Variants in PIK3C2G observed in about 807,000 individuals in gnomAD.
PIK3C2G encodes the protein phosphatidylinositol 3-kinase C2 domain-containing subunit gamma.
PIK3C2G carries 168 observed loss-of-function variants against 181.1 expected under a neutral mutation model. That is an observed-to-expected ratio of 0.93 (90% CI 0.82 to 1.05). The LOEUF (loss-of-function observed/expected upper bound fraction) is 1.05, where lower values mean the gene tolerates loss of function less well. Ranked by LOEUF, PIK3C2G falls within the 50% of genes least tolerant of loss-of-function variation. PIK3C2G has a pLI of 0.00. For missense variants in PIK3C2G, 1,869 were observed against 1,732.8 expected (o/e 1.08, Z -1.40); for synonymous variants, 573 against 592.2 (o/e 0.97, Z 0.47).
chr12:18,624,005 C>G (rs114253719), intron 31 of PIK3C2G, among the ~76,000 whole-genome samples: 1,770 of 151,728 alleles, frequency 0.012, 38 homozygotes, highest in African/African-American at 0.041. Context: ...TTCTTCTTTT[C>G]CAGTTTTGAT....
chr12:18,361,941 T>C (rs955584307), intron 11 of PIK3C2G, among the ~76,000 whole-genome samples: 2 of 152,034 alleles, frequency 1.3e-5, no homozygotes, highest in Non-Finnish European at 2.9e-5. Flanking sequence ...CACTGTACCA[T>C]AGGACCTCTG....
chr12:18,437,103 G>A lies in PIK3C2G; in HGVS notation c.2504+13064G>A, dbSNP rs548260394. Among the ~76,000 whole-genome samples, 17 of 151,954 alleles carry A rather than the reference G, an allele frequency of 1.1e-4. No homozygotes were observed. In the East Asian group the frequency reaches 2.3e-3, roughly 21 times the overall value. Reference sequence around the variant, plus strand: ...CTATTTTGTTTCCCAGGGCTGTGAAGACTCAGAGTTCTCTGTATTTTGTAT... The same window carrying A: ...CTATTTTGTTTCCCAGGGCTGTGAAAACTCAGAGTTCTCTGTATTTTGTAT... On this transcript the variant is annotated intron_variant, in intron 18 of 32. Coordinates refer to ENST00000538779, the MANE Select transcript of PIK3C2G (RefSeq NM_001288772.2).
At chr12:18,408,856 T>C (rs1944693920) in intron 16 of PIK3C2G, among the ~76,000 whole-genome samples, 1 of 152,104 alleles carries the variant, frequency 6.6e-6, no homozygotes, top group South Asian at 2.1e-4. Flanking sequence ...AGATACCATC[T>C]CAGGACAGTT....
At chr12:18,656,266 C>CA in the PIK3C2G span, among the ~76,000 whole-genome samples, 5 of 152,026 alleles carry the variant, frequency 3.3e-5, no homozygotes, top group Non-Finnish European at 7.4e-5. Context: ...CTGTCTATAC[C>CA]AAAAAAGCAT....
chr12:18,338,375 T>C (rs1156748518), intron 8 of PIK3C2G, 51 bp from the exon 9 acceptor site: 19 of 1,336,714 alleles, frequency 1.4e-5, no homozygotes, highest in Non-Finnish European at 2.0e-5. Flanking sequence ...TAAATTAATG[T>C]CCCCTCATTT....
At chr12:18,381,695 C>A in intron 13 of PIK3C2G, 71 bp from the exon 14 acceptor site, 2 of 901,914 alleles carry the variant, frequency 2.2e-6, no homozygotes, top group South Asian at 1.4e-5. Flanking sequence ...CAAAAGAAAA[C>A]ATTTACAGAT....
At chr12:18,693,350 C>A in the PIK3C2G span, 287 of 1,592,128 alleles carry the variant, frequency 1.8e-4, 1 homozygote, top group South Asian at 3.0e-3. Flanking sequence ...GGGGGTTGGA[C>A]AACCAAATTC....
chr12:18,282,050 G>A lies in PIK3C2G; in HGVS notation c.-32G>A. On this transcript the variant is annotated 5_prime_UTR_variant, in exon 2 of 33. Transcript: ENST00000538779. ...TATTATCAAGGAGATATTTGGAGCA[G>A]AGTCAACCCTCTCAGTTACATAAAA... The A allele has an allele frequency of 7.7e-7, 1 of 1,294,760 alleles. No individual in the cohort carries two copies. Among genetic ancestry groups the A allele is most frequent in the African/African-American group, 1.5e-5 (1 of 68,076 alleles). 80.2% of individuals were successfully genotyped at this position (1,294,760 alleles called of 1,614,324 possible). A position where few individuals can be genotyped will look rare whatever the true frequency, so the allele number is the denominator to read the frequency against.
chr12:18,434,361 T>C (rs1360757386), intron 18 of PIK3C2G, among the ~76,000 whole-genome samples: 1 of 152,116 alleles, frequency 6.6e-6, no homozygotes, highest in African/African-American at 2.4e-5. Context: ...ATTGAAACCA[T>C]TACATCCCCT....
chr12:18,349,002 C>T (rs1189841315), intron 11 of PIK3C2G, among the ~76,000 whole-genome samples: 1 of 152,118 alleles, frequency 6.6e-6, no homozygotes, highest in African/African-American at 2.4e-5. Context: ...GTGTGGGAGC[C>T]TCAATTCCTT....
At chr12:18,631,537 G>T (rs991150016) in intron 31 of PIK3C2G, among the ~76,000 whole-genome samples, 1 of 152,136 alleles carries the variant, frequency 6.6e-6, no homozygotes, top group African/African-American at 2.4e-5. Context: ...GGAAAGTGAC[G>T]TAATCAAAGC....
chr12:18,479,440 T>C (rs1441252430), intron 18 of PIK3C2G, among the ~76,000 whole-genome samples: 1 of 152,080 alleles, frequency 6.6e-6, no homozygotes, highest in Non-Finnish European at 1.5e-5. Context: ...GTGGATGACT[T>C]TGGGCAATTT....
intron 24 of PIK3C2G, among the ~76,000 whole-genome samples, chr12:18,525,929 A>C (rs1006621831): frequency 6.6e-6 from 1 of 152,186 alleles, no homozygotes; most frequent in Admixed American, 6.5e-5. Context: ...ACACTCTATA[A>C]GTTTTATCCC....
At chr12:18,391,568 C>T (rs2138053786) in intron 15 of PIK3C2G, among the ~76,000 whole-genome samples, 1 of 152,238 alleles carries the variant, frequency 6.6e-6, no homozygotes, top group South Asian at 2.1e-4. Context: ...CTCAACCTTC[C>T]TTCCAGGAGG....
chr12:18,327,969 A>G (rs552402676), intron 8 of PIK3C2G, among the ~76,000 whole-genome samples: 7 of 151,964 alleles, frequency 4.6e-5, no homozygotes, highest in African/African-American at 1.7e-4. Context: ...GAAAGAATCA[A>G]CTTCTGATTT....
chr12:18,294,077 T>C, intron 5 of PIK3C2G, 62 bp downstream of exon 5: 2 of 746,172 alleles, frequency 2.7e-6, no homozygotes, highest in Non-Finnish European at 4.6e-6. Context: ...ACCACTTGTT[T>C]ATGGTTTTGT....
chr12:18,642,861 T>TAG (rs1217687415), intron 32 of PIK3C2G, among the ~76,000 whole-genome samples: 5 of 151,180 alleles, frequency 3.3e-5, no homozygotes, highest in African/African-American at 4.9e-5. Flanking sequence ...CATATATATA[T>TAG]AGAGAGAGAG....
At chr12:18,431,788 T>C (rs1946173215) in intron 18 of PIK3C2G, among the ~76,000 whole-genome samples, 1 of 152,226 alleles carries the variant, frequency 6.6e-6, no homozygotes, top group Non-Finnish European at 1.5e-5. Context: ...CTTCATCTTT[T>C]GTTAGGGAAA....
chr12:18,640,913 T>C (rs2136797265), intron 32 of PIK3C2G, among the ~76,000 whole-genome samples: 1 of 152,306 alleles, frequency 6.6e-6, no homozygotes, highest in South Asian at 2.1e-4. Context: ...ACCTTGGGTA[T>C]AACAGTAAAT....
Sources: gnomAD v4.1 joint callset for allele counts (sites outside exome capture counted in the v4.1 genomes callset) on GRCh38, gnomAD v4.1.1 for gene constraint, MANE v1.5 for transcripts, NCBI Gene and HGNC (gene_info 2026-07-23, HGNC 2026-07-21) for gene names.